Variants in DAPK2 observed in about 807,000 individuals in gnomAD.
The protein encoded by DAPK2 is death-associated protein kinase 2.
A neutral mutation model predicts 44.1 loss-of-function variants in DAPK2; 35 were observed. The ratio of observed to expected loss-of-function variants is 0.79; its 90% CI spans 0.61 to 1.05. The LOEUF is 1.05. Among genes scored for constraint, DAPK2 ranks in the 50% least tolerant of loss-of-function variants. The pLI, the probability that DAPK2 is intolerant of heterozygous loss-of-function variation, is 0.00. For missense variants in DAPK2, 453 were observed against 483.2 expected (o/e 0.94, Z 0.59); for synonymous variants, 174 against 182.6 (o/e 0.95, Z 0.38).
At chr15:63,922,867 C>T (rs778482884) in intron 8 of DAPK2, 3 of 1,535,922 alleles carry the variant, frequency 2.0e-6, no homozygotes, top group Middle Eastern at 1.7e-4. Flanking sequence ...GGAAGCTGCC[C>T]ACCAGCTCCT....
chr15:63,942,450 G>A (rs1347812874), intron 3 of DAPK2, among the ~76,000 whole-genome samples: 1 of 152,048 alleles, frequency 6.6e-6, no homozygotes, highest in African/African-American at 2.4e-5. Flanking sequence ...TACTCAGGGG[G>A]CTGAGATGGG....
rs1314154127 is a variant in DAPK2 at position 63,912,658 on chromosome 15, C to A, written c.859-461G>T. The stretch of plus-strand genomic sequence containing the variant: ...AAGGGCTTTGATGAAAGTCAAGAGG[C>A]AACAGGATGTGCAGTTGCTTTTCAC... On this transcript the variant is annotated intron_variant, in intron 8 of 10. Coordinates refer to ENST00000261891, the Ensembl canonical transcript of DAPK2. This position sits in a 1 kb window ranked among gnomAD's most constrained non-coding sequence, Gnocchi z 4.4. 1.3e-5 allele frequency among the ~76,000 whole-genome samples: 2 copies of A among 152,208 alleles called. No homozygotes were observed. Among genetic ancestry groups the A allele is most frequent in the Non-Finnish European group, 2.9e-5 (2 of 68,040 alleles).
At chr15:63,947,337 C>CCCAAACA (rs1183353085) in intron 3 of DAPK2, among the ~76,000 whole-genome samples, 1 of 152,102 alleles carries the variant, frequency 6.6e-6, no homozygotes, top group African/African-American at 2.4e-5. Flanking sequence ...ATACTAAAAC[C>CCCAAACA]CCATAAGGAA....
At chr15:63,950,856 A>G (rs1033440347) in intron 3 of DAPK2, among the ~76,000 whole-genome samples, 1 of 152,230 alleles carries the variant, frequency 6.6e-6, no homozygotes. Flanking sequence ...GAAAACAGAC[A>G]TGTAAACACA....
Position 63,924,616 on chromosome 15 carries a change from C to T in DAPK2, c.858+200G>A, listed in dbSNP as rs1248205989. The T allele has an allele frequency of 5.5e-6, 3 of 546,494 alleles. No individual in the cohort carries two copies. In the Admixed American group the frequency reaches 1.0e-4, roughly 19 times the overall value. The allele number at this position is 546,494 out of a possible 1,614,324, so 33.9% of individuals were successfully genotyped here. ...ATAAGTTACCTGAATTTGAGACACA[C>T]AAACTTAAAATAGCAAGCAAATAAA... is the stretch of plus-strand genomic sequence containing the variant. On this transcript the variant is annotated intron_variant, in intron 8 of 10. Transcript: ENST00000261891.
chr15:63,955,760 G>C (rs939989220), intron 3 of DAPK2, among the ~76,000 whole-genome samples: 4 of 152,132 alleles, frequency 2.6e-5, no homozygotes, highest in African/African-American at 9.6e-5. Flanking sequence ...TAGAGACAGG[G>C]CTTCTCCATG....
Position 64,040,150 on chromosome 15 carries a change from C to G in DAPK2, c.92+20G>C. 6.2e-7 allele frequency: 1 copy of G among 1,601,610 alleles called. No homozygotes were observed. Among genetic ancestry groups the G allele is most frequent in the Non-Finnish European group, 8.6e-7 (1 of 1,168,708 alleles). The stretch of plus-strand genomic sequence containing the variant: ...CTTTGGCTCCCTCGGCATCCCCCCA[C>G]CTCTCACACAGTCTCCTACCTCCCC... On this transcript the variant is annotated intron_variant, in intron 1 of 10. Coordinates refer to ENST00000261891, the Ensembl canonical transcript of DAPK2.
At chr15:64,007,355 C>T (rs963865787) in intron 1 of DAPK2, among the ~76,000 whole-genome samples, 1 of 152,020 alleles carries the variant, frequency 6.6e-6, no homozygotes, top group Non-Finnish European at 1.5e-5. Flanking sequence ...TTTCTGGCCC[C>T]CACTCAGTTT....
chr15:63,981,070 A>G (rs1051519334), intron 2 of DAPK2, among the ~76,000 whole-genome samples: 1 of 132,168 alleles, frequency 7.6e-6, no homozygotes, highest in Non-Finnish European at 1.6e-5. Flanking sequence ...AGCCTAGACG[A>G]CAGAGCGAGA....
intron 1 of DAPK2, among the ~76,000 whole-genome samples, chr15:64,001,635 T>G (rs983468728): frequency 3.9e-5 from 6 of 152,146 alleles, no homozygotes; most frequent in African/African-American, 1.4e-4. Flanking sequence ...GTACTTCCCC[T>G]CCTTTCCTCT....
intron 3 of DAPK2, among the ~76,000 whole-genome samples, chr15:63,940,293 T>G (rs8030670): frequency 1 from 151,397 of 152,120 alleles, 75,344 homozygotes; most frequent in Non-Finnish European, 1. Context: ...ATTCCCAATA[T>G]CCCTGAAGGG....
At chr15:64,040,836 C>T (rs2080334957), upstream of DAPK2, among the ~76,000 whole-genome samples, 1 of 146,450 alleles carries the variant, frequency 6.8e-6, no homozygotes, top group South Asian at 2.2e-4. Flanking sequence ...ATCACTTGAA[C>T]CCGGGAGGCA....
intron 1 of DAPK2, among the ~76,000 whole-genome samples, chr15:64,016,851 GGAAGGAAGGAA>G (rs2079543952): frequency 2.1e-5 from 1 of 47,210 alleles, no homozygotes; most frequent in Admixed American, 2.2e-4. Flanking sequence ...AAGGAAGGAA[GGAAGGAAGGAA>G]GGAAGGAAGG....
intron 3 of DAPK2, among the ~76,000 whole-genome samples, chr15:63,960,473 C>G (rs1348549320): frequency 6.7e-6 from 1 of 149,464 alleles, no homozygotes; most frequent in Non-Finnish European, 1.5e-5. Context: ...TTCCTGCTTT[C>G]TCTTGTGGGA....
At chr15:63,952,399 A>C (rs1318128591) in intron 3 of DAPK2, among the ~76,000 whole-genome samples, 1 of 152,204 alleles carries the variant, frequency 6.6e-6, no homozygotes, top group South Asian at 2.1e-4. Flanking sequence ...CATGAGCAGA[A>C]AAAAGGAAGA....
intron 1 of DAPK2, among the ~76,000 whole-genome samples, chr15:64,033,704 G>A (rs1465461330): frequency 1.3e-5 from 2 of 151,898 alleles, no homozygotes; most frequent in African/African-American, 4.8e-5. Flanking sequence ...GTCAGGAGAT[G>A]GAGACCATCC....
chr15:63,922,723 G>A, intron 8 of DAPK2: 1 of 1,507,168 alleles, frequency 6.6e-7, no homozygotes, highest in Non-Finnish European at 8.8e-7. Flanking sequence ...ATCACTGACT[G>A]GATTCTGGCG....
In DAPK2 at chr15:63,967,339, C is replaced by T. The variant is rs1057152465; in HGVS notation, c.453+4084G>A. 5.9e-5 allele frequency among the ~76,000 whole-genome samples: 9 copies of T among 152,140 alleles called. No individual in the cohort carries two copies. The East Asian group carries it at 1.3e-3, about 23-fold the overall frequency. On this transcript the variant is annotated intron_variant, in intron 3 of 10. Coordinates refer to ENST00000261891, the Ensembl canonical transcript of DAPK2. ...AGGGTGATCAGTGAAGGCTTCTATTCGGTCATCTTGCTCTGTCTCCTGTTT... is the reference window on the plus strand; with the variant it reads ...AGGGTGATCAGTGAAGGCTTCTATTTGGTCATCTTGCTCTGTCTCCTGTTT...
At chr15:64,028,474 T>C (rs183697989) in intron 1 of DAPK2, among the ~76,000 whole-genome samples, 4 of 152,308 alleles carry the variant, frequency 2.6e-5, no homozygotes, top group Admixed American at 2.6e-4. Flanking sequence ...ATGCAACACA[T>C]GATCCTGCCC....
Sources: gnomAD v4.1 joint callset for allele counts (sites outside exome capture counted in the v4.1 genomes callset) on GRCh38, gnomAD v4.1.1 for gene constraint, Gnocchi (gnomAD v3.1) non-coding constraint, MANE v1.5 for transcripts, NCBI Gene and HGNC (gene_info 2026-07-23, HGNC 2026-07-21) for gene names.